MSI2: variants seen among roughly 807,000 people sequenced by gnomAD.
The protein encoded by MSI2 is musashi RNA binding protein 2, also known as RNA-binding protein Musashi homolog 2.
In MSI2, 17 loss-of-function variants were observed where a neutral mutation model predicts 45.6. That is an observed-to-expected ratio of 0.37 (90% CI 0.26 to 0.56). The LOEUF is 0.56. Among genes scored for constraint, MSI2 ranks in the 20% least tolerant of loss-of-function variants. The pLI is 0.77. For missense variants in MSI2, 293 were observed against 444.2 expected (o/e 0.66, Z 3.06); for synonymous variants, 156 against 158.2 (o/e 0.99, Z 0.11).
chr17:57,675,012 C>T lies in MSI2; in HGVS notation c.831C>T (p.Asn277=), dbSNP rs1174636272. Residue 277 remains asparagine, a synonymous_variant, in exon 12 of 14, where the codon AAC becomes AAT. Coordinates refer to ENST00000284073, the MANE Select transcript of MSI2 (RefSeq NM_138962.4). Reference sequence around the variant, plus strand: ...GGCCCGGAGGCTTCCCGGGGGCCAACAGCCCAGGACCTGTCGCCGATCTCT... The same window carrying T: ...GGCCCGGAGGCTTCCCGGGGGCCAATAGCCCAGGACCTGTCGCCGATCTCT... ...PARPGGFPGA[N]SPGPVADLYG... 4.3e-6 allele frequency: 7 copies of T among 1,613,676 alleles called. No homozygotes were observed. In the East Asian group the frequency reaches 6.7e-5, roughly 15 times the overall value.
intron 6 of MSI2, among the ~76,000 whole-genome samples, chr17:57,445,132 C>A (rs1233062973): frequency 6.6e-6 from 1 of 152,180 alleles, no homozygotes; most frequent in Non-Finnish European, 1.5e-5. Context: ...GTTAAACCTG[C>A]CTGGCTCCAG....
chr17:57,420,731 C>A (rs953745925), intron 6 of MSI2, among the ~76,000 whole-genome samples: 1 of 152,208 alleles, frequency 6.6e-6, no homozygotes. Flanking sequence ...CTGGAAGGGT[C>A]ACTTTTTCTT....
chr17:57,256,248 C>T (rs978989329), upstream of MSI2, among the ~76,000 whole-genome samples: 34 of 151,912 alleles, frequency 2.2e-4, no homozygotes, highest in Non-Finnish European at 3.5e-4. Context: ...TGCGCTCCCC[C>T]TCGCCCTGCG....
At chr17:57,365,873 T>C (rs889176331) in intron 5 of MSI2, among the ~76,000 whole-genome samples, 1 of 152,198 alleles carries the variant, frequency 6.6e-6, no homozygotes, top group African/African-American at 2.4e-5. Context: ...CTTCTACAGA[T>C]TGTGGCACAT....
intron 7 of MSI2, among the ~76,000 whole-genome samples, chr17:57,581,111 C>T (rs2088194731): frequency 6.7e-6 from 1 of 148,410 alleles, no homozygotes; most frequent in Non-Finnish European, 1.5e-5. Flanking sequence ...CTCCCAGGTT[C>T]AAGCGATTCT....
At position 57,331,329 on chromosome 17, in the gene MSI2, A is replaced by C. The variant is rs1914254328; in HGVS notation, c.312+69137A>C. Among the ~76,000 whole-genome samples, 3 of 152,096 alleles carry C rather than the reference A, an allele frequency of 2.0e-5. No homozygotes were observed. In the South Asian group the frequency reaches 6.2e-4, roughly 32 times the overall value. ...CACGTGGTTCCTCGATGAACCTGGA[A>C]CCCAACGCAGACCTCTTTTTTGAGG... On this transcript the variant is annotated intron_variant, in intron 5 of 13. Transcript: ENST00000284073.
the MSI2 span, among the ~76,000 whole-genome samples, chr17:57,691,178 T>C: frequency 1.3e-3 from 187 of 144,552 alleles, no homozygotes; most frequent in African/African-American, 4.4e-3. Context: ...CTCTCTCTCT[T>C]TCTCTCTCTC....
chr17:57,586,995 C>T (rs913482033), intron 7 of MSI2, among the ~76,000 whole-genome samples: 3 of 152,168 alleles, frequency 2.0e-5, no homozygotes, highest in East Asian at 1.9e-4. Flanking sequence ...GTCAGGCTTG[C>T]GTCAGCATCA....
chr17:57,352,225 T>G (rs923380085), intron 5 of MSI2, among the ~76,000 whole-genome samples: 4 of 152,240 alleles, frequency 2.6e-5, no homozygotes, highest in Non-Finnish European at 5.9e-5. Context: ...TCTTCTTTAG[T>G]GGTCTACTCT....
At chr17:57,324,620 T>G (rs1052213762) in intron 5 of MSI2, among the ~76,000 whole-genome samples, 19 of 152,172 alleles carry the variant, frequency 1.2e-4, no homozygotes, top group African/African-American at 4.6e-4. Flanking sequence ...TTTAGTTTGG[T>G]TTGTCTTTAA....
At chr17:57,325,139 G>A (rs1913682074) in intron 5 of MSI2, among the ~76,000 whole-genome samples, 1 of 152,154 alleles carries the variant, frequency 6.6e-6, no homozygotes, top group Non-Finnish European at 1.5e-5. Flanking sequence ...ATACTACCCA[G>A]CCATAAAAAA....
intron 9 of MSI2, among the ~76,000 whole-genome samples, chr17:57,622,176 G>A (rs1396240762): frequency 1.3e-5 from 2 of 152,198 alleles, no homozygotes; most frequent in African/African-American, 4.8e-5. Flanking sequence ...CAGCCTGGGT[G>A]ACAGTGCAAG....
At chr17:57,403,941 A>G (rs1490623199) in intron 6 of MSI2, among the ~76,000 whole-genome samples, 34 of 147,458 alleles carry the variant, frequency 2.3e-4, no homozygotes, top group Admixed American at 7.5e-4. Flanking sequence ...GTGCACACAC[A>G]CACACACACA....
At chr17:57,524,411 G>A (rs1260577542) in intron 6 of MSI2, among the ~76,000 whole-genome samples, 1 of 152,212 alleles carries the variant, frequency 6.6e-6, no homozygotes, top group Non-Finnish European at 1.5e-5. Flanking sequence ...TTAGGCTGAT[G>A]TTTTGCAAAT....
chr17:57,426,279 A>G (rs1363200198), intron 6 of MSI2, among the ~76,000 whole-genome samples: 2 of 152,250 alleles, frequency 1.3e-5, no homozygotes, highest in East Asian at 3.8e-4. Context: ...GAAGACAAAT[A>G]CTGACTTTTT....
At chr17:57,330,047 T>G (rs1914115192) in intron 5 of MSI2, among the ~76,000 whole-genome samples, 1 of 151,984 alleles carries the variant, frequency 6.6e-6, no homozygotes, top group African/African-American at 2.4e-5. Context: ...ATAGCTCCTG[T>G]TTGTTGTTGA....
At chr17:57,378,023 C>T (rs944706660) in intron 5 of MSI2, among the ~76,000 whole-genome samples, 3 of 149,088 alleles carry the variant, frequency 2.0e-5, no homozygotes, top group African/African-American at 5.0e-5. Flanking sequence ...TGCAGTGAAC[C>T]GAGATTGCAC....
intron 6 of MSI2, among the ~76,000 whole-genome samples, chr17:57,481,505 TC>T (rs1195532577): frequency 6.6e-6 from 1 of 152,204 alleles, no homozygotes; most frequent in African/African-American, 2.4e-5. Context: ...TTTTCCCCCT[TC>T]TCCTTTGCTA....
intron 5 of MSI2, among the ~76,000 whole-genome samples, chr17:57,333,834 C>CT (rs1423447508): frequency 2.0e-5 from 3 of 151,980 alleles, no homozygotes; most frequent in East Asian, 1.9e-4. Flanking sequence ...GATCTGCATA[C>CT]TTTTTTTAGA....
Sources: allele counts gnomAD v4.1 joint callset (sites outside exome capture counted in the v4.1 genomes callset), GRCh38; gene constraint gnomAD v4.1.1; transcripts MANE v1.5; gene names NCBI Gene and HGNC (gene_info 2026-07-23, HGNC 2026-07-21).